Variants in BICD1 observed in about 807,000 individuals in gnomAD.
BICD1 encodes protein bicaudal D homolog 1.
In BICD1, 35 loss-of-function variants were observed where a neutral mutation model predicts 92.5. The ratio of observed to expected loss-of-function variants is 0.38; its 90% confidence interval spans 0.29 to 0.50. The LOEUF (loss-of-function observed/expected upper bound fraction) is 0.50, where lower values mean the gene tolerates loss of function less well. BICD1 is among the 20% of genes least tolerant of loss of function. The pLI is 0.93. For synonymous variants in BICD1, 429 were observed against 465.1 expected (o/e 0.92, Z 1.00); for missense variants, 950 against 1,189.8 (o/e 0.80, Z 2.97).
intron 2 of BICD1, among the ~76,000 whole-genome samples, chr12:32,262,884 C>T (rs796518486): frequency 5.3e-4 from 80 of 152,258 alleles, no homozygotes; most frequent in African/African-American, 1.9e-3. Context: ...TGGCTCACGC[C>T]TGTAATCCCA....
intron 9 of BICD1, among the ~76,000 whole-genome samples, chr12:32,374,124 G>C (rs932989963): frequency 6.6e-6 from 1 of 151,292 alleles, no homozygotes; most frequent in African/African-American, 2.4e-5. Context: ...TGAGGCACTA[G>C]AATTGCTTGA....
rs1015562042 is a variant in BICD1 at position 32,171,250 on chromosome 12, G to A, written c.214-44997G>A. On this transcript the variant is annotated intron_variant, in intron 1 of 9. Coordinates refer to ENST00000652176, the MANE Select transcript of BICD1 (RefSeq NM_001714.4). The stretch of plus-strand genomic sequence containing the variant: ...GTGGGAGACTTAGTAACACATGCCT[G>A]GTGTCCCATGCCCTTTTCCCTCTGC... 5.3e-5 allele frequency among the ~76,000 whole-genome samples: 8 copies of A among 152,198 alleles called. No individual in the cohort carries two copies. The East Asian group carries it at 1.5e-3, about 29-fold the overall frequency.
intron 1 of BICD1, among the ~76,000 whole-genome samples, chr12:32,173,411 C>T (rs1294774091): frequency 2.0e-5 from 3 of 152,158 alleles, no homozygotes; most frequent in Admixed American, 2.0e-4. Flanking sequence ...CACCTGGATT[C>T]CTTAAAGTGA....
At position 32,165,249 on chromosome 12, in the gene BICD1, C is replaced by G. The variant is rs190482589; in HGVS notation, c.214-50998C>G. 7.6e-3 allele frequency among the ~76,000 whole-genome samples: 1,152 copies of G among 152,312 alleles called. 9 individuals carry two copies. The highest frequency in any genetic ancestry group is 0.012 in the Non-Finnish European group (813 of 68,024). On this transcript the variant is annotated intron_variant, in intron 1 of 9. Coordinates refer to ENST00000652176, the MANE Select transcript of BICD1 (RefSeq NM_001714.4). ...TATTTGAGTTGGCCGGGCGCGGTGG[C>G]TCATGCCTGTAATCCCAGCACTTTG...
intron 2 of BICD1, among the ~76,000 whole-genome samples, chr12:32,284,420 A>G (rs1470984567): frequency 1.3e-5 from 2 of 152,004 alleles, no homozygotes; most frequent in African/African-American, 2.4e-5. Flanking sequence ...AGGTACTTTT[A>G]TTGTTATTAG....
intron 2 of BICD1, among the ~76,000 whole-genome samples, chr12:32,238,057 A>G (rs970837501): frequency 6.6e-6 from 1 of 152,322 alleles, no homozygotes; most frequent in Non-Finnish European, 1.5e-5. Context: ...ATCAACATGA[A>G]CAGGAGTTTC....
chr12:32,368,027 T>C (rs1350294036), intron 9 of BICD1: 2 of 309,248 alleles, frequency 6.5e-6, no homozygotes, highest in African/African-American at 4.2e-5. Context: ...CACTGTTTCA[T>C]TCCTTTCCAA....
intron 2 of BICD1, among the ~76,000 whole-genome samples, chr12:32,269,383 A>C (rs1947078681): frequency 6.6e-6 from 1 of 152,212 alleles, no homozygotes; most frequent in Admixed American, 6.5e-5. Context: ...ACTTTCTTAC[A>C]TTGTGAAAAC....
intron 2 of BICD1, among the ~76,000 whole-genome samples, chr12:32,237,385 G>A (rs1405828173): frequency 6.6e-6 from 1 of 152,214 alleles, no homozygotes; most frequent in Non-Finnish European, 1.5e-5. Flanking sequence ...AGATCTAGCT[G>A]AGATCATTGG....
chr12:32,283,655 A>G (rs1461866611), intron 2 of BICD1, among the ~76,000 whole-genome samples: 1 of 152,226 alleles, frequency 6.6e-6, no homozygotes, highest in East Asian at 1.9e-4. Context: ...GAGGTGGAAG[A>G]GCGAGTGGTT....
intron 1 of BICD1, among the ~76,000 whole-genome samples, chr12:32,150,218 T>C (rs2121425973): frequency 6.6e-6 from 1 of 152,270 alleles, no homozygotes; most frequent in African/African-American, 2.4e-5. Context: ...GAGATTTGGG[T>C]GGGGACACAG....
chr12:32,225,621 G>GGTTTTTT (rs1945657385), intron 2 of BICD1, among the ~76,000 whole-genome samples: 2 of 92,776 alleles, frequency 2.2e-5, no homozygotes, highest in South Asian at 5.0e-4. Context: ...CTTTTTTTCT[G>GGTTTTTT]TTTTTTTTTT....
At chr12:32,207,823 A>G (rs1366525598) in intron 1 of BICD1, among the ~76,000 whole-genome samples, 1 of 152,222 alleles carries the variant, frequency 6.6e-6, no homozygotes, top group East Asian at 1.9e-4. Flanking sequence ...TAATGACTTA[A>G]TGAGAAAAAA....
In BICD1 at chr12:32,337,933, G is replaced by A; in HGVS notation, c.2570+117G>A. The A allele has an allele frequency of 1.7e-6, 2 of 1,164,280 alleles. No individual in the cohort carries two copies. Among genetic ancestry groups the A allele is most frequent in the Non-Finnish European group, 2.5e-6 (2 of 814,398 alleles). 72.1% of individuals were successfully genotyped at this position (1,164,280 alleles called of 1,614,324 possible). On this transcript the variant is annotated intron_variant, in intron 7 of 9. Transcript: ENST00000652176. This position sits in a 1 kb window ranked among gnomAD's most constrained non-coding sequence, Gnocchi z 4.7. ...AGGGGAAGCAAAAGAAAAAATGGGA[G>A]CTGGCATATAAATGGTCTTGCTAAT...
chr12:32,316,564 G>A (rs1279069887), intron 4 of BICD1, among the ~76,000 whole-genome samples: 1 of 152,002 alleles, frequency 6.6e-6, no homozygotes, highest in Admixed American at 6.6e-5. Context: ...GCCTCCCAAA[G>A]TGCTGGAATT....
At chr12:32,334,959 TC>T (rs1687904119) in intron 6 of BICD1, among the ~76,000 whole-genome samples, 1 of 151,636 alleles carries the variant, frequency 6.6e-6, no homozygotes. Flanking sequence ...CCAAAGAGAG[TC>T]TCCCTCCAAA....
chr12:32,172,519 A>G (rs1233456345), intron 1 of BICD1, among the ~76,000 whole-genome samples: 5 of 152,084 alleles, frequency 3.3e-5, no homozygotes, highest in Non-Finnish European at 7.4e-5. Context: ...GGTTGAATTC[A>G]CCTTGTTCTC....
In BICD1 at chr12:32,378,507, G is replaced by C. The variant is rs1370782992; in HGVS notation, c.*880G>C. The C allele has an allele frequency of 2.6e-5, 4 of 152,164 alleles. No homozygotes were observed. The East Asian group carries it at 7.7e-4, about 29-fold the overall frequency. 9.4% of individuals were successfully genotyped at this position (152,164 alleles called of 1,614,324 possible). ...TGTGTATGTGTGTGATAACGTTAAAGAAGGCTCAATAACTTGAAGGGAAAA... is the reference window on the plus strand; with the variant it reads ...TGTGTATGTGTGTGATAACGTTAAACAAGGCTCAATAACTTGAAGGGAAAA... On this transcript the variant is annotated 3_prime_UTR_variant, in exon 10 of 10. Transcript: ENST00000652176.
intron 1 of BICD1, among the ~76,000 whole-genome samples, chr12:32,184,927 G>A (rs1450728164): frequency 2.6e-5 from 4 of 152,184 alleles, no homozygotes; most frequent in African/African-American, 9.7e-5. Flanking sequence ...ATTCCAGAAG[G>A]TGTTTTATAA....
Sources: allele counts gnomAD v4.1 joint callset (sites outside exome capture counted in the v4.1 genomes callset), GRCh38; gene constraint gnomAD v4.1.1; non-coding constraint Gnocchi (gnomAD v3.1); transcripts MANE v1.5; gene names NCBI Gene and HGNC (gene_info 2026-07-23, HGNC 2026-07-21).